The following TBC1D5 variants were observed in gnomAD, a reference collection of about 807,000 sequenced individuals.
The protein encoded by TBC1D5 is TBC1 domain family member 5.
A neutral mutation model predicts 100.3 loss-of-function variants in TBC1D5; 75 were observed. The ratio of observed to expected loss-of-function variants is 0.75; its 90% confidence interval spans 0.62 to 0.91. TBC1D5 has a LOEUF of 0.91. Ranked by LOEUF, TBC1D5 falls within the 40% of genes least tolerant of loss-of-function variation. TBC1D5 has a pLI of 0.00. For missense variants in TBC1D5, 910 were observed against 942.4 expected (o/e 0.97, Z 0.45); for synonymous variants, 323 against 325.6 (o/e 0.99, Z 0.09).
chr3:17,429,101 T>C (rs1021123497), intron 3 of TBC1D5, among the ~76,000 whole-genome samples: 3 of 151,822 alleles, frequency 2.0e-5, no homozygotes, highest in Admixed American at 6.6e-5. Flanking sequence ...ATTTAAAACA[T>C]GAAAAAGGAA....
At chr3:17,447,933 G>T (rs750091414) in intron 3 of TBC1D5, among the ~76,000 whole-genome samples, 1 of 152,100 alleles carries the variant, frequency 6.6e-6, no homozygotes, top group African/African-American at 2.4e-5. Flanking sequence ...TAAATAGCTG[G>T]TTAAACTTGT....
intron 3 of TBC1D5, among the ~76,000 whole-genome samples, chr3:17,454,659 A>AC (rs2095013962): frequency 6.6e-6 from 1 of 151,962 alleles, no homozygotes; most frequent in South Asian, 2.1e-4. Flanking sequence ...ATGGGGTTTC[A>AC]CCATGTTAGC....
At chr3:17,704,777 G>A (rs1409687053) in intron 1 of TBC1D5, among the ~76,000 whole-genome samples, 93 of 68,158 alleles carry the variant, frequency 1.4e-3, no homozygotes, top group South Asian at 9.8e-3. Context: ...GGGCGGCCGG[G>A]CAGAGGCGCC....
At chr3:17,278,561 G>C (rs756140353) in intron 15 of TBC1D5, among the ~76,000 whole-genome samples, 3 of 152,158 alleles carry the variant, frequency 2.0e-5, no homozygotes, top group Non-Finnish European at 4.4e-5. Context: ...GTAGTGATAT[G>C]ATTCAATATG....
intron 15 of TBC1D5, among the ~76,000 whole-genome samples, chr3:17,263,111 G>T (rs1285212818): frequency 6.7e-6 from 1 of 150,300 alleles, no homozygotes; most frequent in African/African-American, 2.5e-5. Flanking sequence ...TGCTGCTGAG[G>T]CAGGAGGATC....
intron 3 of TBC1D5, among the ~76,000 whole-genome samples, chr3:17,429,143 A>G (rs1326679450): frequency 6.6e-6 from 1 of 151,988 alleles, no homozygotes; most frequent in African/African-American, 2.4e-5. Flanking sequence ...TTCTATAATA[A>G]TATCAAACAT....
intron 15 of TBC1D5, 127 bp from the exon 16 acceptor site, chr3:17,258,718 G>A (rs897488415): frequency 1.7e-6 from 1 of 578,394 alleles, no homozygotes. Flanking sequence ...TTAATAATTA[G>A]TGTGATTGGG....
chr3:17,335,127 G>C (rs538620290), intron 13 of TBC1D5, among the ~76,000 whole-genome samples: 1 of 152,196 alleles, frequency 6.6e-6, no homozygotes, highest in African/African-American at 2.4e-5. Flanking sequence ...ATATTAATTT[G>C]ATTATTTTAA....
At chr3:17,601,983 C>A (rs1226947312) in intron 2 of TBC1D5, among the ~76,000 whole-genome samples, 3 of 152,118 alleles carry the variant, frequency 2.0e-5, no homozygotes, top group Non-Finnish European at 4.4e-5. Flanking sequence ...GCGCCTGCCA[C>A]CACGCCTGGC....
intron 3 of TBC1D5, among the ~76,000 whole-genome samples, chr3:17,429,366 A>G (rs2094405932): frequency 6.6e-6 from 1 of 151,934 alleles, no homozygotes; most frequent in South Asian, 2.1e-4. Flanking sequence ...AGCTTTTATG[A>G]AACCATAGTA....
intron 1 of TBC1D5, among the ~76,000 whole-genome samples, chr3:17,713,814 A>G (rs2074988595): frequency 6.6e-6 from 1 of 152,194 alleles, no homozygotes; most frequent in African/African-American, 2.4e-5. Flanking sequence ...TGGAAATGCA[A>G]ATCAAAACCA....
chr3:17,338,729 T>C lies in TBC1D5; in HGVS notation c.996-30595A>G, dbSNP rs144902908. ...TCATTTTGGGAACACTAGTATGTAG[T>C]ACCAGCCTGAAACAAATTATGCACA... is the stretch of plus-strand genomic sequence containing the variant. On this transcript the variant is annotated intron_variant, in intron 13 of 21. Coordinates refer to ENST00000253692, the Ensembl canonical transcript of TBC1D5. Among the ~76,000 whole-genome samples the C allele has an allele frequency of 6.8e-4, 103 of 152,372 alleles. 1 individual carries two copies. The East Asian group carries it at 0.019, about 28-fold the overall frequency.
intron 15 of TBC1D5, among the ~76,000 whole-genome samples, chr3:17,266,357 T>A (rs1291621444): frequency 1.3e-5 from 2 of 152,202 alleles, no homozygotes; most frequent in Non-Finnish European, 2.9e-5. Flanking sequence ...TGCCTGAATA[T>A]TATCTAAATA....
chr3:17,539,811 A>C (rs1006355018), intron 2 of TBC1D5, among the ~76,000 whole-genome samples: 1 of 152,196 alleles, frequency 6.6e-6, no homozygotes. Context: ...TGGGTGTATA[A>C]ATTGTCTCTT....
intron 1 of TBC1D5, among the ~76,000 whole-genome samples, chr3:17,631,043 C>CAAAAAA (rs67069718): frequency 3.4e-5 from 1 of 29,404 alleles, no homozygotes. Context: ...GACTCCGTCT[C>CAAAAAA]AAAAAAAAAA....
At chr3:17,684,963 C>G (rs1261656268) in intron 1 of TBC1D5, among the ~76,000 whole-genome samples, 1 of 151,876 alleles carries the variant, frequency 6.6e-6, no homozygotes, top group Non-Finnish European at 1.5e-5. Flanking sequence ...ATAAAATAAC[C>G]AAGACTTATT....
At chr3:17,321,428 G>A (rs1162500130) in intron 13 of TBC1D5, among the ~76,000 whole-genome samples, 1 of 152,094 alleles carries the variant, frequency 6.6e-6, no homozygotes, top group Non-Finnish European at 1.5e-5. Flanking sequence ...ACTTATCAAT[G>A]CATTTTTTCT....
At chr3:17,657,865 C>T (rs549512319) in intron 1 of TBC1D5, among the ~76,000 whole-genome samples, 1 of 152,318 alleles carries the variant, frequency 6.6e-6, no homozygotes, top group African/African-American at 2.4e-5. Flanking sequence ...AATTTCACTA[C>T]TGAAAATTCA....
intron 2 of TBC1D5, among the ~76,000 whole-genome samples, chr3:17,535,438 A>T (rs1291544908): frequency 6.6e-6 from 1 of 152,166 alleles, no homozygotes; most frequent in Non-Finnish European, 1.5e-5. Context: ...GAAAAATTCA[A>T]TGTTCCCTTG....
Sources: gnomAD v4.1 joint callset for allele counts (sites outside exome capture counted in the v4.1 genomes callset) on GRCh38, gnomAD v4.1.1 for gene constraint, MANE v1.5 for transcripts, NCBI Gene and HGNC (gene_info 2026-07-23, HGNC 2026-07-21) for gene names.